Variants in ARMCX3 observed in about 807,000 individuals in gnomAD.
ARMCX3 encodes armadillo repeat containing X-linked 3, also known as armadillo repeat-containing X-linked protein 3.
In ARMCX3, 3 loss-of-function variants were observed where a neutral mutation model predicts 12.6. The ratio of observed to expected loss-of-function variants is 0.24; its 90% CI spans 0.11 to 0.61. The LOEUF is 0.61. ARMCX3 is among the 20% of genes least tolerant of loss of function. ARMCX3 has a pLI of 0.88. For missense variants in ARMCX3, 204 were observed against 286.1 expected (o/e 0.71, Z 2.07); for synonymous variants, 102 against 103.1 (o/e 0.99, Z 0.06).
rs782809877 is a variant in ARMCX3 at position 101,625,695 on chromosome X, A to T, written c.716A>T (p.His239Leu). The T allele has an allele frequency of 8.4e-7, 1 of 1,187,521 alleles. No homozygotes were observed. The highest frequency in any genetic ancestry group is 1.1e-6 in the Non-Finnish European group (1 of 884,702). ...ATGACTGTTACTAATGAGTATCAGC[A>T]CATGCTTGCTAATTCCATTTCTGAC... Reference protein sequence around the residue: ...TNMTVTNEYQHMLANSISDFF... With the variant: ...TNMTVTNEYQLMLANSISDFF... Residue 239 changes from histidine to leucine, a missense_variant, in exon 5 of 5, where the codon CAC becomes CTC. By Grantham distance (99) the His-to-Leu change is moderately conservative. Coordinates refer to ENST00000471229, the MANE Select transcript of ARMCX3 (RefSeq NM_177947.3).
At position 101,625,258 on chromosome X, in the gene ARMCX3, G is replaced by T. The variant is rs1556038374; in HGVS notation, c.279G>T (p.Arg93Ser). The T allele has an allele frequency of 8.3e-7, 1 of 1,210,215 alleles. No individual in the cohort carries two copies. Among genetic ancestry groups the T allele is most frequent in the Non-Finnish European group, 1.1e-6 (1 of 894,730 alleles). Residue 93 changes from arginine (R) to serine (S), a missense_variant, in exon 5 of 5, where the codon AGG (arginine) becomes AGT (serine). Coordinates refer to ENST00000471229, the MANE Select transcript of ARMCX3 (RefSeq NM_177947.3). ...GTEAGTRARA[R>S]ARARATRARR... ...AAGCTGGAACCAGAGCTAGGGCCAG[G>T]GCAAGGGCCAGGGCTACCCGGGCAC...
Position 101,625,697 on chromosome X carries a change from A to G in ARMCX3, c.718A>G (p.Met240Val). The change falls in exon 5 of 5, where the codon ATG (methionine) becomes GTG (valine). Residue 240 changes from methionine (M) to valine (V), a missense_variant. Met to Val is a conservative substitution (Grantham distance 21). Transcript: ENST00000471229. ...GACTGTTACTAATGAGTATCAGCACATGCTTGCTAATTCCATTTCTGACTT... is the reference window on the plus strand; with the variant it reads ...GACTGTTACTAATGAGTATCAGCACGTGCTTGCTAATTCCATTTCTGACTT... ...NMTVTNEYQH[M>V]LANSISDFFR... 1 of 1,184,201 alleles carries G rather than the reference A, an allele frequency of 8.4e-7. No individual in the cohort carries two copies. Among genetic ancestry groups the G allele is most frequent in the Non-Finnish European group, 1.1e-6 (1 of 883,595 alleles).
intron 3 of ARMCX3, 35 bp from the exon 4 acceptor site, chrX:101,624,445 G>A (rs1448818628): frequency 8.9e-6 from 1 of 112,786 alleles, no homozygotes; most frequent in Non-Finnish European, 1.9e-5. Context: ...AACCCATCAA[G>A]TGCTCCATTC....
In ARMCX3 at chrX:101,626,599, T is replaced by TGG. The variant is rs1556038927; in HGVS notation, c.*480_*481insGG. 8.1e-6 allele frequency: 1 copy of TGG among 123,864 alleles called. No individual in the cohort carries two copies. Among genetic ancestry groups the TGG allele is most frequent in the Non-Finnish European group, 1.9e-5 (1 of 53,593 alleles). 10.2% of individuals were successfully genotyped at this position (123,864 alleles called of 1,213,427 possible). On this transcript the variant is annotated 3_prime_UTR_variant, in exon 5 of 5. Coordinates refer to ENST00000471229, the MANE Select transcript of ARMCX3 (RefSeq NM_177947.3). ...GAAGCATGTACTCATTGTCAGATGT[T>TGG]CCCTCTGAGAGCACAGAGGAGGCAA...
chrX:101,625,712 A>G lies in ARMCX3; in HGVS notation c.733A>G (p.Ile245Val), dbSNP rs781882226. ...GTATCAGCACATGCTTGCTAATTCC[A>G]TTTCTGACTTTTTTCGTTTATTTTC... is the stretch of plus-strand genomic sequence containing the variant. ...NEYQHMLANS[I>V]SDFFRLFSAG... is the part of the protein sequence containing the mutation. Residue 245 changes from isoleucine (I) to valine (V), a missense_variant, in exon 5 of 5, where the codon ATT (isoleucine) becomes GTT (valine). By Grantham distance (29) the Ile-to-Val change is conservative (BLOSUM62 3). Coordinates refer to ENST00000471229, the MANE Select transcript of ARMCX3 (RefSeq NM_177947.3). The G allele has an allele frequency of 2.5e-6, 3 of 1,177,530 alleles. No individual in the cohort carries two copies. Among genetic ancestry groups the G allele is most frequent in the African/African-American group, 3.6e-5 (2 of 55,389 alleles).
chrX:101,625,267 C>G lies in ARMCX3; in HGVS notation c.288C>G (p.Ala96=), dbSNP rs782800102. ...AGTRARARAR[A]RATRARRAVQ... is the part of the protein sequence containing the mutation. ...CCAGAGCTAGGGCCAGGGCAAGGGC[C>G]AGGGCTACCCGGGCACGTCGGGCTG... Residue 96 remains alanine, a synonymous_variant, in exon 5 of 5, where the codon GCC becomes GCG. Transcript: ENST00000471229. The G allele has an allele frequency of 1.7e-6, 2 of 1,208,846 alleles. No individual in the cohort carries two copies. Among genetic ancestry groups the G allele is most frequent in the Non-Finnish European group, 2.2e-6 (2 of 894,165 alleles).
intron 1 of ARMCX3, 38 bp downstream of exon 1, chrX:101,623,314 G>C (rs1935931898): frequency 8.8e-6 from 1 of 113,532 alleles, no homozygotes; most frequent in African/African-American, 3.2e-5. Flanking sequence ...CGGGGTGCTT[G>C]AGGGCGTAGG....
rs55841641 is a variant in ARMCX3 at position 101,623,219 on chromosome X, C to G, written c.-416C>G. On this transcript the variant is annotated 5_prime_UTR_variant, in exon 1 of 5. Transcript: ENST00000471229. ...GCTCCCCACTGCCCTGAGGGCGGGC[C>G]GGCCTGCGGCGGAGGGAAAAAGGAA... is the stretch of plus-strand genomic sequence containing the variant. 590 of 113,232 alleles carry G rather than the reference C, an allele frequency of 5.2e-3. 5 individuals carry two copies. Among genetic ancestry groups the G allele is most frequent in the Non-Finnish European group, 9.1e-3 (489 of 53,541 alleles). 9.3% of individuals were successfully genotyped at this position (113,232 alleles called of 1,213,427 possible). A position where few individuals can be genotyped will look rare whatever the true frequency, so the allele number is the denominator to read the frequency against.
rs1935952678 is a variant in ARMCX3 at position 101,624,523 on chromosome X, G to A, written c.-174G>A. 1 of 117,435 alleles carries A rather than the reference G, an allele frequency of 8.5e-6. No individual in the cohort carries two copies. The highest frequency in any genetic ancestry group is 1.7e-5 in the Non-Finnish European group (1 of 57,862). 9.7% of individuals were successfully genotyped at this position (117,435 alleles called of 1,213,427 possible). A position where few individuals can be genotyped will look rare whatever the true frequency, so the allele number is the denominator to read the frequency against. ...AGTGGCACACCACTAGGGAAAAGAA[G>A]AAGGGGCGAACTGCTTGTCTTGAGG... On this transcript the variant is annotated 5_prime_UTR_variant, in exon 4 of 5. Transcript: ENST00000471229.
At position 101,626,107 on chromosome X, in the gene ARMCX3, G is replaced by A. The variant is rs1260433299; in HGVS notation, c.1128G>A (p.Lys376=). The A allele has an allele frequency of 2.8e-5, 33 of 1,169,437 alleles. No homozygotes were observed. The highest frequency in any genetic ancestry group is 3.6e-5 in the Non-Finnish European group (32 of 878,827). ...AACTTGCTGAACATATGTTCCCAAA[G>A]AGCCAGGAATAACACCTTGATTTTG... The part of the protein sequence containing the change: ...MAKLAEHMFP[K]SQE The change falls in exon 5 of 5, where the codon AAG becomes AAA. Residue 376 remains lysine, a synonymous_variant. Coordinates refer to ENST00000471229, the MANE Select transcript of ARMCX3 (RefSeq NM_177947.3).
chrX:101,625,149 A>G lies in ARMCX3; in HGVS notation c.170A>G (p.Tyr57Cys). The part of the protein sequence containing the change: ...DDAGDCSGAR[Y>C]NDWSDDDDDS... ...GCTGGGGACTGTTCTGGGGCCAGGTATAATGACTGGTCTGATGATGATGAT... is the reference window on the plus strand; with the variant it reads ...GCTGGGGACTGTTCTGGGGCCAGGTGTAATGACTGGTCTGATGATGATGAT... Residue 57 changes from tyrosine to cysteine, a missense_variant, in exon 5 of 5, where the codon TAT becomes TGT. Transcript: ENST00000471229. The G allele has an allele frequency of 8.3e-7, 1 of 1,210,431 alleles. No homozygotes were observed. The highest frequency in any genetic ancestry group is 1.1e-6 in the Non-Finnish European group (1 of 895,390).
Position 101,625,719 on chromosome X carries a change from A to T in ARMCX3, c.740A>T (p.Asp247Val). 1 of 1,177,188 alleles carries T rather than the reference A, an allele frequency of 8.5e-7. No individual in the cohort carries two copies. Among genetic ancestry groups the T allele is most frequent in the Non-Finnish European group, 1.1e-6 (1 of 881,436 alleles). Residue 247 changes from aspartate to valine, a missense_variant, in exon 5 of 5, where the codon GAC becomes GTC. Asp to Val is a radical substitution (Grantham distance 152). Coordinates refer to ENST00000471229, the MANE Select transcript of ARMCX3 (RefSeq NM_177947.3). ...YQHMLANSIS[D>V]FFRLFSAGNE... Reference sequence around the variant, plus strand: ...CACATGCTTGCTAATTCCATTTCTGACTTTTTTCGTTTATTTTCAGCGGGA... The same window carrying T: ...CACATGCTTGCTAATTCCATTTCTGTCTTTTTTCGTTTATTTTCAGCGGGA...
Position 101,626,046 on chromosome X carries a change from T to G in ARMCX3, c.1067T>G (p.Phe356Cys). The change falls in exon 5 of 5, where the codon TTT becomes TGT. Residue 356 changes from phenylalanine to cysteine, a missense_variant. Coordinates refer to ENST00000471229, the MANE Select transcript of ARMCX3 (RefSeq NM_177947.3). ...CTGGGAATAGAAAGTCACCATGATT[T>G]TTTGGTGAAAGTAAAAGTTGGAAAA... is the stretch of plus-strand genomic sequence containing the variant. ...KVLGIESHHD[F>C]LVKVKVGKFM... 5 of 1,197,756 alleles carry G rather than the reference T, an allele frequency of 4.2e-6. No homozygotes were observed. Among genetic ancestry groups the G allele is most frequent in the Non-Finnish European group, 5.6e-6 (5 of 891,173 alleles).
At position 101,625,810 on chromosome X, in the gene ARMCX3, T is replaced by C; in HGVS notation, c.831T>C (p.Thr277=). Residue 277 remains threonine (T), a synonymous_variant, in exon 5 of 5, where the codon ACT becomes ACC. Coordinates refer to ENST00000471229, the MANE Select transcript of ARMCX3 (RefSeq NM_177947.3). ...ATTTGGCTGAAAATCCAGCCATGAC[T>C]AGGGAACTGCTCAGGGCCCAAGTAC... ...LLNLAENPAM[T]RELLRAQVPS... 8.3e-7 allele frequency: 1 copy of C among 1,199,860 alleles called. No individual in the cohort carries two copies. The highest frequency in any genetic ancestry group is 1.1e-6 in the Non-Finnish European group (1 of 889,650).
Position 101,625,804 on chromosome X carries a change from C to G in ARMCX3, c.825C>G (p.Ala275=). Residue 275 remains alanine, a synonymous_variant, in exon 5 of 5, where the codon GCC becomes GCG. Transcript: ENST00000471229. ...TTTTGAATTTGGCTGAAAATCCAGCCATGACTAGGGAACTGCTCAGGGCCC... is the reference window on the plus strand; with the variant it reads ...TTTTGAATTTGGCTGAAAATCCAGCGATGACTAGGGAACTGCTCAGGGCCC... The part of the protein sequence containing the change: ...KLLLNLAENP[A]MTRELLRAQV... 9 of 1,194,573 alleles carry G rather than the reference C, an allele frequency of 7.5e-6. No homozygotes were observed. The highest frequency in any genetic ancestry group is 1.0e-5 in the Non-Finnish European group (9 of 887,153).
chrX:101,626,222 A>G lies in ARMCX3; in HGVS notation c.*103A>G. On this transcript the variant is annotated 3_prime_UTR_variant, in exon 5 of 5. Transcript: ENST00000471229. Reference sequence around the variant, plus strand: ...ATCCTTTCAGCTGCCAGTTTTGAATAATGAATATCATATTGTATCATCAAT... The same window carrying G: ...ATCCTTTCAGCTGCCAGTTTTGAATGATGAATATCATATTGTATCATCAAT... 1.4e-6 allele frequency: 1 copy of G among 736,027 alleles called. No individual in the cohort carries two copies. The highest frequency in any genetic ancestry group is 3.3e-5 in the East Asian group (1 of 30,154). The allele number at this position is 736,027 out of a possible 1,213,427, so 60.7% of individuals were successfully genotyped here. A position where few individuals can be genotyped will look rare whatever the true frequency, so the allele number is the denominator to read the frequency against.
Position 101,625,041 on chromosome X carries a change from G to A in ARMCX3, c.62G>A (p.Cys21Tyr). The A allele has an allele frequency of 8.6e-7, 1 of 1,157,333 alleles. No individual in the cohort carries two copies. The highest frequency in any genetic ancestry group is 1.2e-6 in the Non-Finnish European group (1 of 869,317). Residue 21 changes from cysteine (C) to tyrosine (Y), a missense_variant, in exon 5 of 5, where the codon TGC (cysteine) becomes TAC (tyrosine). By Grantham distance (194) the Cys-to-Tyr change is radical (BLOSUM62 -2). Transcript: ENST00000471229. ...TAGLVIGAGA[C>Y]YCIYRLTRGR... ...GGCCTGGTGATTGGGGCTGGCGCCTGCTATTGCATTTATAGACTGACTAGG... is the reference window on the plus strand; with the variant it reads ...GGCCTGGTGATTGGGGCTGGCGCCTACTATTGCATTTATAGACTGACTAGG...
chrX:101,625,561 T>C lies in ARMCX3; in HGVS notation c.582T>C (p.Ala194=), dbSNP rs781926229. ...LIVLNNLSVN[A]ENQRRLKVYM... ...TCCTGAATAACTTGAGTGTGAATGCTGAAAATCAGCGCAGGCTTAAAGTAT... is the reference window on the plus strand; with the variant it reads ...TCCTGAATAACTTGAGTGTGAATGCCGAAAATCAGCGCAGGCTTAAAGTAT... The change falls in exon 5 of 5, where the codon GCT becomes GCC. Residue 194 remains alanine (A), a synonymous_variant. Transcript: ENST00000471229. 8.3e-7 allele frequency: 1 copy of C among 1,207,389 alleles called. No individual in the cohort carries two copies. The highest frequency in any genetic ancestry group is 1.8e-5 in the South Asian group (1 of 55,793).
rs1412604392 is a variant in ARMCX3 at position 101,623,247 on chromosome X, G to A, written c.-388G>A. ...CCTGCGGCGGAGGGAAAAAGGAAGA[G>A]GAGAAGGAAATTGTCCCGAATCCCT... On this transcript the variant is annotated 5_prime_UTR_variant, in exon 1 of 5. Coordinates refer to ENST00000471229, the MANE Select transcript of ARMCX3 (RefSeq NM_177947.3). 8.8e-6 allele frequency: 1 copy of A among 113,578 alleles called. No individual in the cohort carries two copies. 9.4% of individuals were successfully genotyped at this position (113,578 alleles called of 1,213,427 possible). A position where few individuals can be genotyped will look rare whatever the true frequency, so the allele number is the denominator to read the frequency against.
Sources: gnomAD v4.1 joint callset for allele counts on GRCh38, gnomAD v4.1.1 for gene constraint, MANE v1.5 for transcripts, NCBI Gene and HGNC (gene_info 2026-07-23, HGNC 2026-07-21) for gene names.